Variants in CTNNA2 observed in about 807,000 individuals in gnomAD.
The protein encoded by CTNNA2 is catenin alpha-2.
In CTNNA2, 42 loss-of-function variants were observed where a neutral mutation model predicts 101.0. The observed-to-expected ratio is 0.42, with a 90% CI of 0.32 to 0.54. The LOEUF (loss-of-function observed/expected upper bound fraction) is 0.54. Ranked by LOEUF, CTNNA2 falls within the 20% of genes least tolerant of loss-of-function variation. The probability of loss-of-function intolerance (pLI) is 0.14; values close to 1 mark genes in which losing one functional copy is unlikely to be tolerated. For missense variants in CTNNA2, 871 were observed against 1,223.1 expected (o/e 0.71, Z 4.29); for synonymous variants, 450 against 456.4 (o/e 0.99, Z 0.18).
At chr2:79,641,363 C>T (rs1424775689) in intron 1 of CTNNA2, among the ~76,000 whole-genome samples, 2 of 152,208 alleles carry the variant, frequency 1.3e-5, no homozygotes, top group Non-Finnish European at 2.9e-5. Context: ...AATTTATAGG[C>T]AGAAGAACAA....
At chr2:80,222,913 T>C (rs1419730180) in intron 7 of CTNNA2, among the ~76,000 whole-genome samples, 1 of 152,152 alleles carries the variant, frequency 6.6e-6, no homozygotes, top group African/African-American at 2.4e-5. Context: ...GAGAATGAGA[T>C]TGTGGTTTCT....
intron 7 of CTNNA2, among the ~76,000 whole-genome samples, chr2:79,985,913 C>T (rs1243444826): frequency 6.6e-6 from 1 of 152,116 alleles, no homozygotes; most frequent in African/African-American, 2.4e-5. Flanking sequence ...AAATATCTGT[C>T]CTTATTCCCT....
chr2:79,249,339 TA>T (rs1351316584), intron 2 of CTNNA2, among the ~76,000 whole-genome samples: 7 of 152,178 alleles, frequency 4.6e-5, no homozygotes, highest in Non-Finnish European at 7.4e-5. Context: ...TAATAGCACT[TA>T]AAAGGGTTGT....
rs553830588 is a variant in CTNNA2 at position 80,023,859 on chromosome 2, G to A, written c.1056+114062G>A. Among the ~76,000 whole-genome samples the A allele has an allele frequency of 2.8e-4, 42 of 152,184 alleles. No individual in the cohort carries two copies. In the East Asian group the frequency reaches 7.5e-3, roughly 27 times the overall value. ...TCCCAGCACTTTGGGAGGCCGAGGC[G>A]GGCGGATCACGAGGTCAGGAGATCG... On this transcript the variant is annotated intron_variant, in intron 7 of 18. Transcript: ENST00000402739.
rs1685645188 is a variant in CTNNA2, at chr2:79,909,521, G to C, written c.853-73G>C. 2.3e-6 allele frequency: 3 copies of C among 1,285,054 alleles called. No individual in the cohort carries two copies. The East Asian group carries it at 7.3e-5, about 31-fold the overall frequency. 79.6% of individuals were successfully genotyped at this position (1,285,054 alleles called of 1,614,324 possible). A position where few individuals can be genotyped will look rare whatever the true frequency, so the allele number is the denominator to read the frequency against. ...CCTGTTCTTGCCTCAGATATTTCTG[G>C]TTTCAAAACAGGGTGCCAAGGCAGA... On this transcript the variant is annotated intron_variant, in intron 6 of 18. Transcript: ENST00000402739.
At chr2:80,152,573 G>A (rs1703774889) in intron 7 of CTNNA2, among the ~76,000 whole-genome samples, 1 of 151,748 alleles carries the variant, frequency 6.6e-6, no homozygotes, top group African/African-American at 2.4e-5. Context: ...AAATGACTAG[G>A]AACAAAGTGC....
chr2:80,344,570 G>A (rs1051790937), intron 7 of CTNNA2, among the ~76,000 whole-genome samples: 3 of 152,030 alleles, frequency 2.0e-5, no homozygotes, highest in South Asian at 2.1e-4. Flanking sequence ...CTGAAGCCTC[G>A]ATCTCCCAGG....
At chr2:79,250,705 A>T (rs1263752154) in intron 2 of CTNNA2, among the ~76,000 whole-genome samples, 2 of 152,176 alleles carry the variant, frequency 1.3e-5, no homozygotes, top group Non-Finnish European at 2.9e-5. Context: ...GGCACTCTTT[A>T]GACAATATTC....
intron 7 of CTNNA2, among the ~76,000 whole-genome samples, chr2:80,069,978 G>T (rs1283547083): frequency 6.6e-6 from 1 of 152,176 alleles, no homozygotes; most frequent in African/African-American, 2.4e-5. Context: ...ACAGGGCATG[G>T]TAATACTAAA....
At chr2:80,109,034 C>T (rs569742217) in intron 7 of CTNNA2, among the ~76,000 whole-genome samples, 3 of 152,300 alleles carry the variant, frequency 2.0e-5, no homozygotes, top group Admixed American at 6.5e-5. Context: ...CTGCCTCCAC[C>T]GACTGGGACC....
At chr2:79,755,691 A>C (rs1672351349) in intron 3 of CTNNA2, among the ~76,000 whole-genome samples, 1 of 152,228 alleles carries the variant, frequency 6.6e-6, no homozygotes, top group African/African-American at 2.4e-5. Flanking sequence ...ATAGCACCCC[A>C]AGTAAATCTT....
intron 2 of CTNNA2, among the ~76,000 whole-genome samples, chr2:79,232,752 C>G (rs1277650687): frequency 2.6e-5 from 4 of 152,098 alleles, no homozygotes; most frequent in African/African-American, 9.7e-5. Flanking sequence ...CACTTGCTTT[C>G]TGATTCAATC....
chr2:80,305,114 C>G (rs1318267902), intron 7 of CTNNA2: 1 of 985,184 alleles, frequency 1.0e-6, no homozygotes, highest in African/African-American at 1.7e-5. Flanking sequence ...TGGACCTTTG[C>G]TTTAGAAAAG....
chr2:79,944,418 A>G (rs935216348), intron 7 of CTNNA2, among the ~76,000 whole-genome samples: 3 of 152,202 alleles, frequency 2.0e-5, no homozygotes, highest in African/African-American at 7.2e-5. Flanking sequence ...ATTCAGAAAA[A>G]AAGTTTGGAC....
chr2:80,562,142 TA>T (rs766320908), intron 12 of CTNNA2, among the ~76,000 whole-genome samples: 11,487 of 152,206 alleles, frequency 0.075, 580 homozygotes, highest in Middle Eastern at 0.15. Flanking sequence ...TTAGGACTGT[TA>T]ACCTTTGAAC....
At chr2:80,422,104 T>C (rs1308738391) in intron 9 of CTNNA2, among the ~76,000 whole-genome samples, 1 of 152,324 alleles carries the variant, frequency 6.6e-6, no homozygotes, top group East Asian at 1.9e-4. Context: ...GACTGGGTAA[T>C]TTATAAATGA....
rs113111762 is a variant in CTNNA2 at position 79,671,822 on chromosome 2, T to C, written c.102+20164T>C. The stretch of plus-strand genomic sequence containing the variant: ...GGATTACTGTTTAGCCGCTAAGAGA[T>C]GGAACTTCACATTGCATGTGGATTA... On this transcript the variant is annotated intron_variant, in intron 2 of 18. Coordinates refer to ENST00000402739, the MANE Select transcript of CTNNA2 (RefSeq NM_001282597.3). Among the ~76,000 whole-genome samples, 664 of 152,336 alleles carry C rather than the reference T, an allele frequency of 4.4e-3. 3 individuals carry two copies. Among genetic ancestry groups the C allele is most frequent in the African/African-American group, 0.015 (607 of 41,590 alleles).
chr2:79,320,092 T>C (rs145960277), intron 3 of CTNNA2: 1 of 152,144 alleles, frequency 6.6e-6, no homozygotes, highest in African/African-American at 2.4e-5. Context: ...GTGATGAAAA[T>C]TGAGCCAGTC....
intron 7 of CTNNA2, among the ~76,000 whole-genome samples, chr2:80,224,684 T>C (rs1255678795): frequency 6.6e-6 from 1 of 152,096 alleles, no homozygotes; most frequent in Non-Finnish European, 1.5e-5. Context: ...GATCTCGTGA[T>C]CTGCTCACCT....
Sources: gnomAD v4.1 joint callset for allele counts (sites outside exome capture counted in the v4.1 genomes callset) on GRCh38, gnomAD v4.1.1 for gene constraint, MANE v1.5 for transcripts, NCBI Gene and HGNC (gene_info 2026-07-23, HGNC 2026-07-21) for gene names.